Variants in NTRK2 observed in about 807,000 individuals in gnomAD.
NTRK2 encodes BDNF/NT-3 growth factors receptor.
In NTRK2, 13 loss-of-function variants were observed where a neutral mutation model predicts 94.5. The observed-to-expected ratio is 0.14, with a 90% confidence interval of 0.09 to 0.22. NTRK2 has a LOEUF of 0.22. NTRK2 is among the 10% of genes least tolerant of loss of function. NTRK2 has a pLI of 1.00. For synonymous variants in NTRK2, 372 were observed against 407.4 expected (o/e 0.91, Z 1.05); for missense variants, 639 against 1,071.2 (o/e 0.60, Z 5.63).
At chr9:85,013,708 A>G (rs558813926) in intron 17 of NTRK2, among the ~76,000 whole-genome samples, 2 of 152,352 alleles carry the variant, frequency 1.3e-5, no homozygotes, top group East Asian at 1.9e-4. Flanking sequence ...AGACAAAGCA[A>G]TGGAGCGTAG....
intron 12 of NTRK2, among the ~76,000 whole-genome samples, chr9:84,768,589 G>A (rs1467542739): frequency 1.3e-5 from 2 of 152,114 alleles, no homozygotes; most frequent in Non-Finnish European, 2.9e-5. Context: ...AACTTAAGGT[G>A]CCCATTAATC....
chr9:84,718,401 C>A (rs1434692961), intron 6 of NTRK2, among the ~76,000 whole-genome samples: 2 of 152,082 alleles, frequency 1.3e-5, no homozygotes, highest in African/African-American at 4.8e-5. Flanking sequence ...TATGAATATT[C>A]TTACACACAA....
chr9:84,750,156 C>T lies in NTRK2; in HGVS notation c.1297-1830C>T, dbSNP rs529984264. Among the ~76,000 whole-genome samples, 10 of 152,272 alleles carry T rather than the reference C, an allele frequency of 6.6e-5. No homozygotes were observed. In the East Asian group the frequency reaches 1.9e-3, roughly 29 times the overall value. ...TTTGTTTGGGGGGCTGTCTTGGGCACAGTAGGATGTTAATAATGCCTGGCC... is the reference window on the plus strand; with the variant it reads ...TTTGTTTGGGGGGCTGTCTTGGGCATAGTAGGATGTTAATAATGCCTGGCC... On this transcript the variant is annotated intron_variant, in intron 11 of 18. Transcript: ENST00000277120.
chr9:84,787,941 C>T (rs1164341386), intron 12 of NTRK2, among the ~76,000 whole-genome samples: 2 of 152,126 alleles, frequency 1.3e-5, no homozygotes, highest in African/African-American at 4.8e-5. Flanking sequence ...ATGTTATTCA[C>T]CTTTCTGTGC....
intron 12 of NTRK2, among the ~76,000 whole-genome samples, chr9:84,805,680 C>T (rs1426876027): frequency 1.3e-5 from 2 of 152,128 alleles, no homozygotes; most frequent in Admixed American, 1.3e-4. Flanking sequence ...GAAACTTAAC[C>T]CCCAATGTGG....
intron 6 of NTRK2, among the ~76,000 whole-genome samples, chr9:84,714,906 G>T (rs997136106): frequency 6.6e-6 from 1 of 152,088 alleles, no homozygotes; most frequent in Non-Finnish European, 1.5e-5. Flanking sequence ...CCAACAATTT[G>T]CCAACTACTG....
At chr9:84,949,153 A>T (rs750498625) in intron 16 of NTRK2, among the ~76,000 whole-genome samples, 2 of 152,202 alleles carry the variant, frequency 1.3e-5, no homozygotes, top group Non-Finnish European at 2.9e-5. Context: ...TAAGGACAAA[A>T]AGAATAACCA....
intron 11 of NTRK2, 69 bp downstream of exon 11, chr9:84,745,142 A>G: frequency 9.7e-7 from 1 of 1,026,970 alleles, no homozygotes; most frequent in Non-Finnish European, 1.6e-6. Context: ...AGAGGAATGT[A>G]GCTGCTTCAA....
chr9:85,015,431 C>T (rs969126200), intron 17 of NTRK2, among the ~76,000 whole-genome samples: 2 of 152,162 alleles, frequency 1.3e-5, no homozygotes, highest in East Asian at 1.9e-4. Flanking sequence ...TTGGTTCTAT[C>T]GAGAGTTTAC....
At chr9:84,876,489 G>A in intron 14 of NTRK2, 3 of 1,055,236 alleles carry the variant, frequency 2.8e-6, no homozygotes, top group Non-Finnish European at 3.4e-6. Context: ...TACTACTGAG[G>A]AATAGAGAGG....
rs549595312 is a variant in NTRK2, at chr9:84,928,705, A to G, written c.1634-5457A>G. 2.4e-4 allele frequency among the ~76,000 whole-genome samples: 36 copies of G among 152,274 alleles called. 2 individuals carry two copies. The South Asian group carries it at 7.5e-3, about 32-fold the overall frequency. On this transcript the variant is annotated intron_variant, in intron 14 of 18. Transcript: ENST00000277120. ...AAACCCGAGGGAGCCAGTCTCGATG[A>G]TCTTTAAGTTCTTTTCCTATCACAG...
At position 84,984,270 on chromosome 9, in the gene NTRK2, C is replaced by T. The variant is rs187400085; in HGVS notation, c.2172+28753C>T. On this transcript the variant is annotated intron_variant, in intron 17 of 18. Coordinates refer to ENST00000277120, the MANE Select transcript of NTRK2 (RefSeq NM_006180.6). ...GGCAGATTACCTGAGGTCAGGAGTT[C>T]GAGGGCAGCCTGGCCAACATGATAA... Among the ~76,000 whole-genome samples the T allele has an allele frequency of 1.3e-3, 195 of 152,018 alleles. 1 individual carries two copies. The highest frequency in any genetic ancestry group is 3.2e-4 in the Non-Finnish European group (22 of 67,976).
intron 12 of NTRK2, among the ~76,000 whole-genome samples, chr9:84,756,719 C>A (rs2065118214): frequency 6.6e-6 from 1 of 152,144 alleles, no homozygotes; most frequent in African/African-American, 2.4e-5. Context: ...CACAGATTTC[C>A]TCTGCAGCCT....
chr9:84,876,779 G>C, intron 14 of NTRK2: 2 of 1,061,414 alleles, frequency 1.9e-6, no homozygotes, highest in Non-Finnish European at 2.3e-6. Context: ...ACATGTAGCT[G>C]CTTGAGCCTT....
intron 17 of NTRK2, among the ~76,000 whole-genome samples, chr9:84,973,412 AC>A (rs1826418998): frequency 6.6e-6 from 1 of 152,162 alleles, no homozygotes; most frequent in African/African-American, 2.4e-5. Context: ...GTACCAGAAC[AC>A]CTAATGTGTC....
intron 17 of NTRK2, among the ~76,000 whole-genome samples, chr9:84,981,883 A>G (rs1827672020): frequency 6.6e-6 from 1 of 152,224 alleles, no homozygotes; most frequent in African/African-American, 2.4e-5. Flanking sequence ...GGCTTAGCCA[A>G]GAAATTAGAG....
At chr9:84,773,471 T>C (rs924584994) in intron 12 of NTRK2, among the ~76,000 whole-genome samples, 18 of 152,180 alleles carry the variant, frequency 1.2e-4, no homozygotes, top group Admixed American at 8.5e-4. Flanking sequence ...AGAGGAGGGA[T>C]TAGTGCGGGG....
At chr9:84,849,808 G>T (rs1271224435) in intron 12 of NTRK2, among the ~76,000 whole-genome samples, 3 of 152,180 alleles carry the variant, frequency 2.0e-5, no homozygotes. Context: ...TTACAATTCA[G>T]TCTCTACTAT....
intron 12 of NTRK2, among the ~76,000 whole-genome samples, chr9:84,836,953 AAT>A (rs1182195392): frequency 6.9e-6 from 1 of 144,378 alleles, no homozygotes; most frequent in African/African-American, 2.6e-5. Context: ...AATATAATAT[AAT>A]ATAATATAAT....
Sources: gnomAD v4.1 joint callset for allele counts (sites outside exome capture counted in the v4.1 genomes callset) on GRCh38, gnomAD v4.1.1 for gene constraint, MANE v1.5 for transcripts, NCBI Gene and HGNC (gene_info 2026-07-23, HGNC 2026-07-21) for gene names.